Variants in ARHGEF11 observed in about 807,000 individuals in gnomAD.
ARHGEF11 encodes the protein Rho guanine exchange factor (GEF) 11.
In ARHGEF11, 55 loss-of-function variants were observed where a neutral mutation model predicts 193.7. The ratio of observed to expected loss-of-function variants is 0.28; its 90% CI spans 0.23 to 0.36. The LOEUF (loss-of-function observed/expected upper bound fraction) is 0.36. Among genes scored for constraint, ARHGEF11 ranks in the 10% least tolerant of loss-of-function variants. The probability of loss-of-function intolerance (pLI) is 1.00; values close to 1 mark genes in which losing one functional copy is unlikely to be tolerated. For missense variants in ARHGEF11, 1,723 were observed against 2,005.6 expected (o/e 0.86, Z 2.69); for synonymous variants, 693 against 768.0 (o/e 0.90, Z 1.62).
In ARHGEF11 at chr1:156,942,629, T is replaced by A. The variant is rs551888247; in HGVS notation, c.3326+61A>T. The A allele has an allele frequency of 2.0e-6, 3 of 1,526,178 alleles. No homozygotes were observed. The African/African-American group carries it at 4.1e-5, about 21-fold the overall frequency. 94.5% of individuals were successfully genotyped at this position (1,526,178 alleles called of 1,614,324 possible). A position where few individuals can be genotyped will look rare whatever the true frequency, so the allele number is the denominator to read the frequency against. ...CTGGCCTTGCTACCCACTGTCCTCA[T>A]AAACACCACCCTGGTCCGAAAGGGA... is the stretch of plus-strand genomic sequence containing the variant. On this transcript the variant is annotated intron_variant, in intron 33 of 40. Transcript: ENST00000368194.
At chr1:156,998,397 A>G (rs1666815260) in intron 1 of ARHGEF11, among the ~76,000 whole-genome samples, 1 of 152,212 alleles carries the variant, frequency 6.6e-6, no homozygotes, top group Admixed American at 6.5e-5. Flanking sequence ...ATTTACATTG[A>G]TATTGAGGAG....
At position 156,973,085 on chromosome 1, in the gene ARHGEF11, CT is replaced by C. The variant is rs1035540311; in HGVS notation, c.583-1270del. Among the ~76,000 whole-genome samples, 42 of 151,954 alleles carry C rather than the reference CT, an allele frequency of 2.8e-4. 1 individual carries two copies. In the Middle Eastern group the frequency reaches 0.014, roughly 50 times the overall value. On this transcript the variant is annotated intron_variant, in intron 7 of 40. Coordinates refer to ENST00000368194, the MANE Select transcript of ARHGEF11 (RefSeq NM_198236.3). ...TAAAGGGATATGAGCCTGTGGTTTT[CT>C]GATTTTATTTTATTTATTTATTTAA... is the stretch of plus-strand genomic sequence containing the variant.
At chr1:156,961,316 G>A (rs754596303) in intron 14 of ARHGEF11, among the ~76,000 whole-genome samples, 3 of 152,174 alleles carry the variant, frequency 2.0e-5, no homozygotes, top group South Asian at 2.1e-4. Context: ...CTTGCCTCAC[G>A]GATCTAGGTC....
chr1:157,022,926 G>T (rs1046190684), intron 1 of ARHGEF11, among the ~76,000 whole-genome samples: 3 of 152,156 alleles, frequency 2.0e-5, no homozygotes, highest in Non-Finnish European at 4.4e-5. Context: ...TCAACAAATG[G>T]GGCTGGGACA....
At chr1:156,942,224 C>T (rs926082578) in intron 33 of ARHGEF11, among the ~76,000 whole-genome samples, 5 of 152,242 alleles carry the variant, frequency 3.3e-5, no homozygotes, top group African/African-American at 9.6e-5. Flanking sequence ...TCTATGTTTT[C>T]CCTCTAAAGT....
intron 15 of ARHGEF11, among the ~76,000 whole-genome samples, chr1:156,959,924 ACCCCCCCT>A (rs780815199): frequency 0.2 from 15,557 of 76,846 alleles, 1,197 homozygotes; most frequent in East Asian, 0.3. Flanking sequence ...AACAAAAATA[ACCCCCCCT>A]CCCCCCCCCC....
intron 1 of ARHGEF11, among the ~76,000 whole-genome samples, chr1:157,004,431 A>G (rs969343908): frequency 2.0e-5 from 3 of 152,186 alleles, no homozygotes; most frequent in Admixed American, 6.5e-5. Flanking sequence ...GGCTCTCAGA[A>G]ACCACAATTA....
At chr1:156,979,036 C>T (rs897232293) in intron 5 of ARHGEF11, among the ~76,000 whole-genome samples, 193 bp downstream of exon 5, 8 of 152,312 alleles carry the variant, frequency 5.3e-5, no homozygotes, top group African/African-American at 1.7e-4. Context: ...AGTACTGTCT[C>T]CACTTGAAGT....
intron 13 of ARHGEF11, 86 bp from the exon 14 acceptor site, chr1:156,961,861 G>C: frequency 8.4e-7 from 1 of 1,196,330 alleles, no homozygotes; most frequent in Non-Finnish European, 1.2e-6. Flanking sequence ...CATGTCTGGA[G>C]ACATTTTTAG....
chr1:156,988,384 T>C lies in ARHGEF11; in HGVS notation c.33-2211A>G, dbSNP rs559147599. 2.0e-5 allele frequency among the ~76,000 whole-genome samples: 3 copies of C among 152,322 alleles called. No homozygotes were observed. The South Asian group carries it at 6.2e-4, about 32-fold the overall frequency. The stretch of plus-strand genomic sequence containing the variant: ...GCCTATACTGTTCCTTCCTCCTACA[T>C]GTTCTGCCTACTTTATTCTCTATGA... On this transcript the variant is annotated intron_variant, in intron 1 of 40. Transcript: ENST00000368194.
chr1:156,944,505 G>T, intron 30 of ARHGEF11, 72 bp from the exon 31 acceptor site: 1 of 1,491,392 alleles, frequency 6.7e-7, no homozygotes. Flanking sequence ...CCTACTGTGT[G>T]CCAGACATTG....
rs569768973 is a variant in ARHGEF11, at chr1:157,002,911, C to T, written c.33-16738G>A. ...AGGCAAGTTACTTAATCTCTTGCCTCAGACTACTCATCCATAAAATGGGGA... is the reference window on the plus strand; with the variant it reads ...AGGCAAGTTACTTAATCTCTTGCCTTAGACTACTCATCCATAAAATGGGGA... On this transcript the variant is annotated intron_variant, in intron 1 of 40. Transcript: ENST00000368194. Among the ~76,000 whole-genome samples, 3 of 152,312 alleles carry T rather than the reference C, an allele frequency of 2.0e-5. No individual in the cohort carries two copies. The East Asian group carries it at 5.8e-4, about 29-fold the overall frequency.
At chr1:157,007,137 G>A (rs1218689004) in intron 1 of ARHGEF11, among the ~76,000 whole-genome samples, 1 of 152,066 alleles carries the variant, frequency 6.6e-6, no homozygotes, top group Non-Finnish European at 1.5e-5. Flanking sequence ...GGATGGAAAG[G>A]AGGAGAAAAA....
intron 3 of ARHGEF11, among the ~76,000 whole-genome samples, chr1:156,980,844 G>T (rs948612379): frequency 1.2e-4 from 13 of 111,478 alleles, no homozygotes; most frequent in Non-Finnish European, 1.8e-4. Flanking sequence ...GGGGGGGGGG[G>T]GGGAAATGAG....
intron 39 of ARHGEF11, 25 bp downstream of exon 39, chr1:156,937,224 G>T: frequency 6.2e-7 from 1 of 1,612,870 alleles, no homozygotes; most frequent in South Asian, 1.1e-5. Flanking sequence ...AAGGCCTGCA[G>T]GGACCCAAGC....
rs1041536600 is a variant in ARHGEF11 at position 156,963,246 on chromosome 1, A to G, written c.1097T>C (p.Val366Ala). 4.3e-6 allele frequency: 7 copies of G among 1,613,520 alleles called. No homozygotes were observed. Among genetic ancestry groups the G allele is most frequent in the Non-Finnish European group, 5.9e-6 (7 of 1,179,950 alleles). Reference protein sequence around the residue: ...KLKSRPAHLGVFLRYIFSQAD... With the variant: ...KLKSRPAHLGAFLRYIFSQAD... ...CTGAGAGAAGATGTAACGTAGAAAA[A>G]CCCCCAGGTGAGCTGGCCGAGACTT... The change falls in exon 13 of 41, where the codon GTT (valine) becomes GCT (alanine). Residue 366 changes from valine (V) to alanine (A), a missense_variant. Physicochemically the swap from Val to Ala is moderately conservative, Grantham distance 64. Coordinates refer to ENST00000368194, the MANE Select transcript of ARHGEF11 (RefSeq NM_198236.3).
At chr1:156,989,977 T>G (rs1016562350) in intron 1 of ARHGEF11, among the ~76,000 whole-genome samples, 3 of 152,164 alleles carry the variant, frequency 2.0e-5, no homozygotes, top group Non-Finnish European at 2.9e-5. Context: ...CACAATGCCA[T>G]CAGCACACCC....
At chr1:157,035,819 GGAATATATATATGGAATATAT>G (rs1671875674) in intron 1 of ARHGEF11, among the ~76,000 whole-genome samples, 2 of 262 alleles carry the variant, frequency 7.6e-3, no homozygotes, top group Admixed American at 0.045. Flanking sequence ...TATATATATA[GGAATATATATATGGAATATAT>G]ATATGTATAT....
At position 156,978,409 on chromosome 1, in the gene ARHGEF11, T is replaced by C. The variant is rs564521337; in HGVS notation, c.332-27A>G. On this transcript the variant is annotated intron_variant, in intron 5 of 40. Transcript: ENST00000368194. Reference sequence around the variant, plus strand: ...TAGAGGGAAACAGAGAGAGACTTGTTCCAGGAGTGCTGTTCTGGAGAGACA... The same window carrying C: ...TAGAGGGAAACAGAGAGAGACTTGTCCCAGGAGTGCTGTTCTGGAGAGACA... 8 of 1,563,302 alleles carry C rather than the reference T, an allele frequency of 5.1e-6. No individual in the cohort carries two copies. The South Asian group carries it at 9.8e-5, about 19-fold the overall frequency.
Sources: allele counts gnomAD v4.1 joint callset (sites outside exome capture counted in the v4.1 genomes callset), GRCh38; gene constraint gnomAD v4.1.1; transcripts MANE v1.5; gene names NCBI Gene and HGNC (gene_info 2026-07-23, HGNC 2026-07-21).